STK32C: variants seen among roughly 807,000 people sequenced by gnomAD.
STK32C encodes serine/threonine-protein kinase 32C.
Under a neutral mutation model 56.5 loss-of-function variants are expected in STK32C, and 31 were observed. The observed-to-expected ratio is 0.55, with a 90% CI of 0.41 to 0.74. The LOEUF (loss-of-function observed/expected upper bound fraction) is 0.74. STK32C is among the 30% of genes least tolerant of loss of function. The pLI is 0.00. For synonymous variants in STK32C, 309 were observed against 289.4 expected (o/e 1.07, Z -0.69); for missense variants, 544 against 676.9 (o/e 0.80, Z 2.18).
chr10:132,222,681 T>A lies in STK32C; in HGVS notation c.1211A>T (p.Lys404Met). The A allele has an allele frequency of 6.2e-7, 1 of 1,613,324 alleles. No individual in the cohort carries two copies. Among genetic ancestry groups the A allele is most frequent in the Non-Finnish European group, 8.5e-7 (1 of 1,179,934 alleles). Residue 404 changes from lysine to methionine, a missense_variant, in exon 10 of 12, where the codon AAG becomes ATG. This residue lies in a region of STK32C where 277 missense variants were observed against 309.3 expected (regional missense o/e 0.90). Coordinates refer to ENST00000298630, the MANE Select transcript of STK32C (RefSeq NM_173575.4). ...PLHKKKKRLA[K>M]NKSRDNSRDS... ...CCTGCTGTTGTCCCGGGACTTGTTC[T>A]TGGCCAGACGCTTCTTCTTCTTGTG... is the stretch of plus-strand genomic sequence containing the variant.
chr10:132,306,331 C>T (rs1189149500), intron 1 of STK32C, among the ~76,000 whole-genome samples: 1 of 152,266 alleles, frequency 6.6e-6, no homozygotes, highest in African/African-American at 2.4e-5. Flanking sequence ...GCTTTCTTTA[C>T]TTTGAATATT....
At chr10:132,271,426 C>T (rs1232508001) in intron 1 of STK32C, among the ~76,000 whole-genome samples, 1 of 152,224 alleles carries the variant, frequency 6.6e-6, no homozygotes, top group Non-Finnish European at 1.5e-5. Flanking sequence ...CCCCCAGCTC[C>T]TTGTCCCAAC....
rs1056362337 is a variant in STK32C at position 132,288,316 on chromosome 10, A to G, written c.262+19256T>C. On this transcript the variant is annotated intron_variant, in intron 1 of 11. Transcript: ENST00000298630. ...CGAAGATTTCTTAGAAAGAACACAA[A>G]AAGAACAAACCATAAAGGAAGAAAT... 2.6e-5 allele frequency among the ~76,000 whole-genome samples: 4 copies of G among 152,268 alleles called. No homozygotes were observed. In the East Asian group the frequency reaches 7.7e-4, roughly 29 times the overall value.
At chr10:132,235,019 G>A (rs745781610) in intron 2 of STK32C, among the ~76,000 whole-genome samples, 11 of 152,154 alleles carry the variant, frequency 7.2e-5, no homozygotes, top group South Asian at 2.1e-4. Flanking sequence ...TGGTGTGAGC[G>A]GTGTGAGCAG....
At chr10:132,305,416 A>G (rs2066028746) in intron 1 of STK32C, among the ~76,000 whole-genome samples, 1 of 152,216 alleles carries the variant, frequency 6.6e-6, no homozygotes, top group Admixed American at 6.5e-5. Flanking sequence ...TGCATACTAA[A>G]TTTGATATAT....
At chr10:132,328,294 T>C (rs901870864) in intron 1 of STK32C, among the ~76,000 whole-genome samples, 1 of 152,076 alleles carries the variant, frequency 6.6e-6, no homozygotes, top group Non-Finnish European at 1.5e-5. Context: ...GTTTCCTTGC[T>C]GTTTTCTGCT....
At chr10:132,324,510 G>A (rs900993270) in intron 1 of STK32C, 9 of 577,074 alleles carry the variant, frequency 1.6e-5, no homozygotes, top group South Asian at 1.2e-4. Flanking sequence ...CAGCTGCCAG[G>A]GGCATTTTGA....
intron 1 of STK32C, among the ~76,000 whole-genome samples, chr10:132,247,799 T>G (rs2063742888): frequency 6.6e-6 from 1 of 151,934 alleles, no homozygotes; most frequent in Non-Finnish European, 1.5e-5. Context: ...TTTAAGCGCC[T>G]TAGAAAGGCA....
chr10:132,301,151 T>C (rs2065899887), intron 1 of STK32C, among the ~76,000 whole-genome samples: 1 of 151,620 alleles, frequency 6.6e-6, no homozygotes, highest in African/African-American at 2.4e-5. Context: ...GAAGGCCTGG[T>C]CCTCCATTAA....
intron 10 of STK32C, among the ~76,000 whole-genome samples, chr10:132,216,182 T>G (rs1258529114): frequency 2.0e-5 from 3 of 152,158 alleles, no homozygotes; most frequent in Non-Finnish European, 2.9e-5. Context: ...AAGAAACTCC[T>G]GGCTGGGCAC....
intron 1 of STK32C, among the ~76,000 whole-genome samples, chr10:132,277,545 A>G (rs1434426211): frequency 2.0e-5 from 3 of 152,234 alleles, no homozygotes; most frequent in Non-Finnish European, 2.9e-5. Context: ...CTGAGAGCTC[A>G]GTGGCCAATC....
intron 1 of STK32C, among the ~76,000 whole-genome samples, chr10:132,273,775 T>C (rs1000833886): frequency 6.6e-6 from 1 of 151,956 alleles, no homozygotes; most frequent in Admixed American, 6.5e-5. Flanking sequence ...AATGAACACA[T>C]GGTAAGTGAA....
intron 10 of STK32C, among the ~76,000 whole-genome samples, chr10:132,221,893 G>A (rs59446399): frequency 0.05 from 5,035 of 100,066 alleles, 154 homozygotes; most frequent in East Asian, 0.12. Flanking sequence ...TAATATCAAC[G>A]CACCTGGGCA....
chr10:132,270,802 G>A lies in STK32C; in HGVS notation c.263-24847C>T, dbSNP rs945929358. Among the ~76,000 whole-genome samples the A allele has an allele frequency of 2.0e-5, 3 of 152,140 alleles. No individual in the cohort carries two copies. The East Asian group carries it at 5.8e-4, about 29-fold the overall frequency. ...GGACTCAGAGCTCCATCCTGGCCAC[G>A]GTGAGGCTGCGGAGTGGCCCAGGGC... On this transcript the variant is annotated intron_variant, in intron 1 of 11. Coordinates refer to ENST00000298630, the MANE Select transcript of STK32C (RefSeq NM_173575.4).
chr10:132,265,611 T>A (rs2064493152), intron 1 of STK32C, among the ~76,000 whole-genome samples: 1 of 152,120 alleles, frequency 6.6e-6, no homozygotes, highest in Non-Finnish European at 1.5e-5. Flanking sequence ...TGTCTTTCCT[T>A]CCTGCTGAAG....
intron 10 of STK32C, among the ~76,000 whole-genome samples, chr10:132,220,855 G>A (rs2062614563): frequency 6.6e-6 from 1 of 152,222 alleles, no homozygotes; most frequent in Admixed American, 6.5e-5. Context: ...GAACAGAGCT[G>A]CACCATGCCT....
intron 1 of STK32C, among the ~76,000 whole-genome samples, chr10:132,305,898 G>A (rs963497611): frequency 2.0e-5 from 3 of 152,182 alleles, no homozygotes; most frequent in African/African-American, 4.8e-5. Context: ...GGATGTGGCT[G>A]CATACCAAGC....
At position 132,325,164 on chromosome 10, in the gene STK32C, A is replaced by T. The variant is rs531477761; in HGVS notation, c.302-791T>A. ...TGAATTCCCACATGTTGTGGGAGGG[A>T]CCCGGTGGGAGGTAACTGAATCATG... On this transcript the variant is annotated intron_variant, in intron 1 of 1. Transcript: ENST00000368619. 1.5e-3 allele frequency among the ~76,000 whole-genome samples: 231 copies of T among 152,170 alleles called. 2 individuals carry two copies. The highest frequency in any genetic ancestry group is 5.3e-3 in the African/African-American group (221 of 41,514).
intron 1 of STK32C, among the ~76,000 whole-genome samples, chr10:132,265,273 T>C (rs1010069876): frequency 4.0e-5 from 6 of 151,330 alleles, no homozygotes. Context: ...CGAGGTGGGC[T>C]CTGCAGCCAC....
Sources: allele counts gnomAD v4.1 joint callset (sites outside exome capture counted in the v4.1 genomes callset), GRCh38; gene constraint gnomAD v4.1.1; regional missense constraint gnomAD v4.1.1; transcripts MANE v1.5; gene names NCBI Gene and HGNC (gene_info 2026-07-23, HGNC 2026-07-21).